MALRD1: variants seen among roughly 807,000 people sequenced by gnomAD.
The protein encoded by MALRD1 is MAM and LDL-receptor class A domain-containing protein 1.
Under a neutral mutation model 242.1 loss-of-function variants are expected in MALRD1, and 247 were observed. The observed-to-expected ratio is 1.02, with a 90% CI of 0.92 to 1.13. The LOEUF is 1.13. Among genes scored for constraint, MALRD1 ranks in the 50% most tolerant of loss-of-function variants. MALRD1 has a pLI of 0.00. For synonymous variants in MALRD1, 995 were observed against 866.6 expected (o/e 1.15, Z -2.60); for missense variants, 2,989 against 2,533.1 (o/e 1.18, Z -3.86).
chr10:19,608,005 G>A, intron 35 of MALRD1, 103 bp downstream of exon 35: 1 of 1,379,396 alleles, frequency 7.2e-7, no homozygotes, highest in Non-Finnish European at 9.6e-7. Context: ...TGGCAAGCAT[G>A]GAATAATTGA....
rs1351042729 is a variant in MALRD1 at position 19,410,693 on chromosome 10, T to TA, written c.4845+21085dup. Among the ~76,000 whole-genome samples the TA allele has an allele frequency of 5.3e-5, 8 of 150,680 alleles. No homozygotes were observed. The South Asian group carries it at 6.3e-4, about 12-fold the overall frequency. ...TTCCTTCCTTCCTTTTTTTTTTTTT[T>TA]ATCTTTATCAAGTGTTTAGTGAGGA... On this transcript the variant is annotated intron_variant, in intron 28 of 39. Transcript: ENST00000454679.
At chr10:19,320,954 G>T (rs1052776207) in intron 21 of MALRD1, among the ~76,000 whole-genome samples, 4 of 151,696 alleles carry the variant, frequency 2.6e-5, no homozygotes, top group African/African-American at 9.7e-5. Context: ...TAAGTTCCTT[G>T]TAGCTTCTGG....
chr10:19,586,755 C>T (rs1185239231), intron 33 of MALRD1, among the ~76,000 whole-genome samples: 14 of 152,268 alleles, frequency 9.2e-5, no homozygotes, highest in Non-Finnish European at 2.9e-5. Flanking sequence ...GGGCTCCACC[C>T]AGTTCCAGCT....
intron 36 of MALRD1, among the ~76,000 whole-genome samples, chr10:19,635,167 C>T (rs11010802): frequency 0.38 from 58,124 of 151,894 alleles, 12,465 homozygotes; most frequent in Non-Finnish European, 0.48. Flanking sequence ...GAAAGTAACC[C>T]TAAAATCACT....
chr10:19,158,788 G>A (rs774136820), intron 12 of MALRD1, among the ~76,000 whole-genome samples: 6 of 152,182 alleles, frequency 3.9e-5, no homozygotes, highest in Non-Finnish European at 5.9e-5. Flanking sequence ...AGCTACAAGA[G>A]GGTGAGTCCA....
chr10:19,466,625 T>C (rs1836228393), intron 29 of MALRD1, among the ~76,000 whole-genome samples: 1 of 152,208 alleles, frequency 6.6e-6, no homozygotes, highest in South Asian at 2.1e-4. Context: ...ACTTGTGTTA[T>C]TACAAGTTCT....
chr10:19,458,603 C>G (rs1395594585), intron 29 of MALRD1, among the ~76,000 whole-genome samples: 1 of 152,128 alleles, frequency 6.6e-6, no homozygotes, highest in Non-Finnish European at 1.5e-5. Flanking sequence ...ACATCAGTTT[C>G]TTTCCCGCAT....
rs1171841782 is a variant in MALRD1 at position 19,661,184 on chromosome 10, G to A, written c.6138-31098G>A. 2.6e-5 allele frequency among the ~76,000 whole-genome samples: 4 copies of A among 152,296 alleles called. No individual in the cohort carries two copies. In the East Asian group the frequency reaches 7.7e-4, roughly 29 times the overall value. On this transcript the variant is annotated intron_variant, in intron 36 of 39. Coordinates refer to ENST00000454679, the MANE Select transcript of MALRD1 (RefSeq NM_001142308.3). The stretch of plus-strand genomic sequence containing the variant: ...AAATAGGAACGCTTTTACACTGTTG[G>A]TGGGACTGTAAACTAGTTCAACCAT...
intron 36 of MALRD1, among the ~76,000 whole-genome samples, chr10:19,684,401 A>G (rs565061882): frequency 1.3e-5 from 2 of 152,360 alleles, no homozygotes; most frequent in South Asian, 2.1e-4. Flanking sequence ...TAAAGCATGT[A>G]ATATAAATGG....
intron 19 of MALRD1, among the ~76,000 whole-genome samples, chr10:19,263,183 G>A (rs1159026063): frequency 6.6e-6 from 1 of 152,146 alleles, no homozygotes; most frequent in Non-Finnish European, 1.5e-5. Flanking sequence ...GGATCATGTG[G>A]ATAGTTACAT....
At chr10:19,734,090 T>A in intron 39 of MALRD1, 67 bp from the exon 40 acceptor site, 2 of 1,261,744 alleles carry the variant, frequency 1.6e-6, no homozygotes, top group Non-Finnish European at 2.2e-6. Context: ...TTCTGCGTGA[T>A]CTTTAAAGAG....
chr10:19,428,639 C>T (rs1223429769), intron 28 of MALRD1, among the ~76,000 whole-genome samples: 2 of 151,858 alleles, frequency 1.3e-5, no homozygotes, highest in Admixed American at 1.3e-4. Flanking sequence ...TGCTAAAGTT[C>T]ACACACCCCT....
chr10:19,367,790 A>T (rs1382971184), intron 26 of MALRD1, among the ~76,000 whole-genome samples: 1 of 151,984 alleles, frequency 6.6e-6, no homozygotes, highest in Non-Finnish European at 1.5e-5. Flanking sequence ...CTTATTGTAT[A>T]ATAGCCATCC....
intron 38 of MALRD1, among the ~76,000 whole-genome samples, chr10:19,705,249 A>G (rs1194017843): frequency 6.6e-6 from 1 of 152,190 alleles, no homozygotes; most frequent in Non-Finnish European, 1.5e-5. Flanking sequence ...ATGAATATTT[A>G]TCCTTAGCAA....
At chr10:19,151,903 A>G (rs1833959164) in intron 11 of MALRD1, among the ~76,000 whole-genome samples, 1 of 152,148 alleles carries the variant, frequency 6.6e-6, no homozygotes, top group Non-Finnish European at 1.5e-5. Flanking sequence ...TTTATTCTAT[A>G]TGGTAATGCT....
At chr10:19,326,752 A>C (rs1434433548) in intron 22 of MALRD1, among the ~76,000 whole-genome samples, 1 of 152,144 alleles carries the variant, frequency 6.6e-6, no homozygotes. Context: ...ATTAAAATTC[A>C]TCTTCACTTT....
At chr10:19,143,853 G>A (rs1833634664) in intron 10 of MALRD1, among the ~76,000 whole-genome samples, 1 of 152,194 alleles carries the variant, frequency 6.6e-6, no homozygotes, top group African/African-American at 2.4e-5. Context: ...AGAACCGAGG[G>A]ATTAGACCAG....
intron 29 of MALRD1, among the ~76,000 whole-genome samples, chr10:19,463,413 T>G (rs1451050176): frequency 6.6e-6 from 1 of 151,190 alleles, no homozygotes; most frequent in Non-Finnish European, 1.5e-5. Context: ...TCCTCATAGC[T>G]TAGCTCCCAC....
chr10:19,718,189 AGAC>A (rs1394409935), intron 38 of MALRD1, among the ~76,000 whole-genome samples: 1 of 151,952 alleles, frequency 6.6e-6, no homozygotes, highest in Admixed American at 6.6e-5. Context: ...AGGAAAAAGA[AGAC>A]GAAGAAGAAG....
Sources: allele counts gnomAD v4.1 joint callset (sites outside exome capture counted in the v4.1 genomes callset), GRCh38; gene constraint gnomAD v4.1.1; transcripts MANE v1.5; gene names NCBI Gene and HGNC (gene_info 2026-07-23, HGNC 2026-07-21).